The following DTX2 variants were observed in gnomAD, a reference collection of about 807,000 sequenced individuals.
DTX2 encodes the protein probable E3 ubiquitin-protein ligase DTX2.
In DTX2, 29 loss-of-function variants were observed where a neutral mutation model predicts 55.3. The observed-to-expected ratio is 0.52, with a 90% CI of 0.39 to 0.71. The LOEUF (loss-of-function observed/expected upper bound fraction) is 0.71. Ranked by LOEUF, DTX2 falls within the 30% of genes least tolerant of loss-of-function variation. DTX2 has a pLI of 0.00. For synonymous variants in DTX2, 276 were observed against 340.4 expected (o/e 0.81, Z 2.08); for missense variants, 537 against 822.5 (o/e 0.65, Z 4.25).
chr7:76,490,288 T>C lies in DTX2; in HGVS notation c.909-1865T>C, dbSNP rs544065076. Reference sequence around the variant, plus strand: ...TTTCAGTGAGCCAAGATCACACCACTGCACTCCAGCCTGGTAATAGAGCGA... The same window carrying C: ...TTTCAGTGAGCCAAGATCACACCACCGCACTCCAGCCTGGTAATAGAGCGA... On this transcript the variant is annotated intron_variant, in intron 4 of 10. Transcript: ENST00000430490. Among the ~76,000 whole-genome samples, 2 of 85,730 alleles carry C rather than the reference T, an allele frequency of 2.3e-5. 1 individual carries two copies. Among genetic ancestry groups the C allele is most frequent in the South Asian group, 8.6e-4 (2 of 2,314 alleles). 56.2% of individuals were successfully genotyped at this position (85,730 alleles called of 152,430 possible).
chr7:76,476,853 C>G (rs1168308863), intron 2 of DTX2: 1 of 151,208 alleles, frequency 6.6e-6, no homozygotes, highest in Non-Finnish European at 1.5e-5. Flanking sequence ...CAGTACCCTC[C>G]TAGGGCCTGG....
In DTX2 at chr7:76,502,592, G is replaced by A. The variant is rs561402758; in HGVS notation, c.1389+136G>A. 839 of 999,920 alleles carry A rather than the reference G, an allele frequency of 8.4e-4. 4 individuals carry two copies. In the African/African-American group the frequency reaches 0.012, roughly 15 times the overall value. The allele number at this position is 999,920 out of a possible 1,614,324, so 61.9% of individuals were successfully genotyped here. A position where few individuals can be genotyped will look rare whatever the true frequency, so the allele number is the denominator to read the frequency against. On this transcript the variant is annotated intron_variant, in intron 8 of 10. Coordinates refer to ENST00000430490, the MANE Select transcript of DTX2 (RefSeq NM_001102594.3). ...AAAGATGGTGCTGGGCGTGGGGCCA[G>A]CTTGAAGACCTTTCTAAAGGCCTGG...
At chr7:76,468,364 T>C (rs1197380594) in intron 2 of DTX2, among the ~76,000 whole-genome samples, 2 of 141,696 alleles carry the variant, frequency 1.4e-5, no homozygotes, top group East Asian at 2.2e-4. Flanking sequence ...TGTAGGAGTG[T>C]GAAAGTACAG....
Position 76,505,071 on chromosome 7 carries a change from C to T in DTX2, c.1642-303C>T, listed in dbSNP as rs1451084989. On this transcript the variant is annotated intron_variant, in intron 10 of 10. Transcript: ENST00000430490. This position sits in a 1 kb window ranked among gnomAD's most constrained non-coding sequence, Gnocchi z 4.4. ...CAGGGAGGGTGGGTGGGCGGGCGCT[C>T]GTCCAGCAACGGCTGTGGAAGCAGG... Among the ~76,000 whole-genome samples, 1 of 151,330 alleles carries T rather than the reference C, an allele frequency of 6.6e-6. No homozygotes were observed. Among genetic ancestry groups the T allele is most frequent in the Non-Finnish European group, 1.5e-5 (1 of 67,776 alleles).
chr7:76,482,829 C>T lies in DTX2; in HGVS notation c.590C>T (p.Ser197Phe), dbSNP rs760550523. 7.4e-6 allele frequency: 12 copies of T among 1,613,674 alleles called. No homozygotes were observed. Among genetic ancestry groups the T allele is most frequent in the Non-Finnish European group, 1.0e-5 (12 of 1,179,712 alleles). ...APPGHTGVACSCHQCLSGSRT... is the reference protein window; with the variant it reads ...APPGHTGVACFCHQCLSGSRT... ...CCGGGCCACACAGGCGTCGCCTGCT[C>T]TTGCCACCAGTGCCTCAGTGGCAGC... Residue 197 changes from serine to phenylalanine, a missense_variant, in exon 4 of 11, where the codon TCT becomes TTT. Physicochemically the swap from Ser to Phe is radical, Grantham distance 155. Coordinates refer to ENST00000430490, the MANE Select transcript of DTX2 (RefSeq NM_001102594.3).
chr7:76,503,775 C>T (rs1477399896), intron 9 of DTX2, among the ~76,000 whole-genome samples, 188 bp downstream of exon 9: 1 of 150,298 alleles, frequency 6.7e-6, no homozygotes, highest in Admixed American at 6.7e-5. Context: ...AGGGTAAGCT[C>T]TTAGGGCTGT....
intron 1 of DTX2, among the ~76,000 whole-genome samples, chr7:76,463,099 A>G: frequency 6.7e-6 from 1 of 149,218 alleles, no homozygotes; most frequent in African/African-American, 2.5e-5. Flanking sequence ...TAAAAAAACG[A>G]ACTTTTTTTT....
intron 9 of DTX2, 36 bp downstream of exon 9, chr7:76,503,623 C>G: frequency 6.3e-7 from 1 of 1,577,722 alleles, no homozygotes; most frequent in Admixed American, 1.7e-5. Flanking sequence ...CTCCTGGCCA[C>G]TCCTCTTCCC....
intron 2 of DTX2, among the ~76,000 whole-genome samples, chr7:76,468,362 T>C (rs1807416374): frequency 6.9e-6 from 1 of 145,550 alleles, no homozygotes; most frequent in Admixed American, 7.1e-5. Context: ...ACTGTAGGAG[T>C]GTGAAAGTAC....
chr7:76,501,424 G>T (rs1811670728), intron 7 of DTX2: 1 of 359,680 alleles, frequency 2.8e-6, no homozygotes, highest in Non-Finnish European at 5.4e-6. Flanking sequence ...GGTGTGACTG[G>T]GCCGTTTCAC....
chr7:76,480,715 A>T lies in DTX2; in HGVS notation c.206A>T (p.Asp69Val). The change falls in exon 3 of 11, where the codon GAC becomes GTC. Residue 69 changes from aspartate to valine, a missense_variant. Coordinates refer to ENST00000430490, the MANE Select transcript of DTX2 (RefSeq NM_001102594.3). The stretch of plus-strand genomic sequence containing the variant: ...CACAGCATCCCCTTGGGCCAGGCAG[A>T]CCCCTCGCTGGCCCCTTACATTATT... ...LAHSIPLGQA[D>V]PSLAPYIIDL... The T allele has an allele frequency of 6.2e-7, 1 of 1,613,352 alleles. No individual in the cohort carries two copies. Among genetic ancestry groups the T allele is most frequent in the Non-Finnish European group, 8.5e-7 (1 of 1,179,654 alleles).
chr7:76,505,785 C>A lies in DTX2; in HGVS notation c.*184C>A. ...CTCCTCCTCCCCTCTGGGAATTGGG[C>A]AGCCCTGGGCAGTTGTACTCATGGG... On this transcript the variant is annotated 3_prime_UTR_variant, in exon 11 of 11. Transcript: ENST00000430490. The surrounding 1 kb of genome is among the most constrained non-coding windows in gnomAD (Gnocchi z 4.4). The A allele has an allele frequency of 1.5e-6, 1 of 663,038 alleles. No individual in the cohort carries two copies. The highest frequency in any genetic ancestry group is 2.8e-5 in the Admixed American group (1 of 36,190). The allele number at this position is 663,038 out of a possible 1,614,324, so 41.1% of individuals were successfully genotyped here.
At position 76,480,501 on chromosome 7, in the gene DTX2, C is replaced by G; in HGVS notation, c.-9C>G. 2 of 1,574,784 alleles carry G rather than the reference C, an allele frequency of 1.3e-6. No individual in the cohort carries two copies. The highest frequency in any genetic ancestry group is 1.7e-6 in the Non-Finnish European group (2 of 1,159,838). On this transcript the variant is annotated 5_prime_UTR_variant, in exon 3 of 11. Coordinates refer to ENST00000430490, the MANE Select transcript of DTX2 (RefSeq NM_001102594.3). ...GCTGTTTGGGAAAGCAGCGGGACTC[C>G]TTGGGAAGATGGCCATGGCCCCAAG...
rs758946621 is a variant in DTX2 at position 76,480,783 on chromosome 7, A to T, written c.268+6A>T. The T allele has an allele frequency of 2.5e-6, 4 of 1,589,662 alleles. 1 individual carries two copies. In the South Asian group the frequency reaches 4.6e-5, roughly 18 times the overall value. On this transcript the variant is annotated splice_donor_region_variant and intron_variant, in intron 3 of 10. Coordinates refer to ENST00000430490, the MANE Select transcript of DTX2 (RefSeq NM_001102594.3). ...CCAGTTCCGCCAGGACACCGGTAAG[A>T]CGCTGTCTGCCTCTCGCACATATCT... is the stretch of plus-strand genomic sequence containing the variant.
intron 6 of DTX2, among the ~76,000 whole-genome samples, chr7:76,499,379 C>T (rs1811380598): frequency 6.7e-6 from 1 of 150,254 alleles, no homozygotes; most frequent in Non-Finnish European, 1.5e-5. Flanking sequence ...CCCCACCACG[C>T]CACCTCCCTG....
intron 2 of DTX2, among the ~76,000 whole-genome samples, chr7:76,476,540 T>C (rs534372550): frequency 0.014 from 2,136 of 150,794 alleles, 56 homozygotes; most frequent in African/African-American, 0.049. Flanking sequence ...GGGAGTGCGG[T>C]TGTGTTTGCG....
intron 3 of DTX2, among the ~76,000 whole-genome samples, chr7:76,481,402 G>C (rs1051505097): frequency 1.3e-5 from 2 of 152,146 alleles, no homozygotes; most frequent in African/African-American, 4.8e-5. Flanking sequence ...GGCCAGGCTG[G>C]TGTCGAGCTC....
At chr7:76,478,389 G>T (rs1808779339) in intron 2 of DTX2, among the ~76,000 whole-genome samples, 1 of 143,052 alleles carries the variant, frequency 7.0e-6, no homozygotes, top group South Asian at 2.3e-4. Context: ...TGGCATCAGT[G>T]TGCACACACA....
intron 7 of DTX2, chr7:76,501,923 C>T: frequency 4.3e-6 from 1 of 231,402 alleles, no homozygotes; most frequent in Non-Finnish European, 8.2e-6. Context: ...GAGTCTCGCT[C>T]TGTCACCCAG....
Sources: gnomAD v4.1 joint callset for allele counts (sites outside exome capture counted in the v4.1 genomes callset) on GRCh38, gnomAD v4.1.1 for gene constraint, Gnocchi (gnomAD v3.1) non-coding constraint, MANE v1.5 for transcripts, NCBI Gene and HGNC (gene_info 2026-07-23, HGNC 2026-07-21) for gene names.